BARD1: variants seen among roughly 807,000 people sequenced by gnomAD.
BARD1 encodes the protein BRCA1-associated RING domain protein 1.
BARD1 carries 73 observed loss-of-function variants against 77.0 expected under a neutral mutation model. The ratio of observed to expected loss-of-function variants is 0.95; its 90% CI spans 0.79 to 1.15. The LOEUF is 1.15. BARD1 is among the 50% of genes most tolerant of loss of function. The probability of loss-of-function intolerance (pLI) is 0.00; values close to 1 mark genes in which losing one functional copy is unlikely to be tolerated. For missense variants in BARD1, 993 were observed against 938.8 expected, an observed-to-expected ratio of 1.06 and a Z score of -0.75; for synonymous variants, 384 against 338.0, an observed-to-expected ratio of 1.14 and a Z score of -1.49.
intron 9 of BARD1, among the ~76,000 whole-genome samples, chr2:214,731,829 G>A (rs532554344): frequency 3.9e-5 from 6 of 152,226 alleles, no homozygotes; most frequent in African/African-American, 1.4e-4. Flanking sequence ...GGGAAAGTTG[G>A]AACAATAACT....
At position 214,728,732 on chromosome 2, in the gene BARD1, A is replaced by G. The variant is rs1692194979; in HGVS notation, c.2278T>C (p.Ser760Pro). ...VRQGKVWKAP[S>P]SWFIDCVMSF... is the part of the protein sequence containing the mutation. ...ATCACACAGTCTATAAACCAGCTCG[A>G]AGGAGCCTTCCAGACTTTGCCCTGC... Residue 760 changes from serine to proline, a missense_variant, in exon 11 of 11, where the codon TCG becomes CCG. Transcript: ENST00000260947. 1 of 1,614,234 alleles carries G rather than the reference A, an allele frequency of 6.2e-7. No homozygotes were observed. Among genetic ancestry groups the G allele is most frequent in the Non-Finnish European group, 8.5e-7 (1 of 1,180,034 alleles).
chr2:214,733,957 T>A (rs1259376228), intron 9 of BARD1, among the ~76,000 whole-genome samples: 1 of 152,192 alleles, frequency 6.6e-6, no homozygotes, highest in Non-Finnish European at 1.5e-5. Context: ...AGATTCGTTT[T>A]TCAGATTCAG....
intron 3 of BARD1, among the ~76,000 whole-genome samples, chr2:214,789,139 T>TAC (rs1207846973): frequency 6.6e-6 from 1 of 152,166 alleles, no homozygotes. Context: ...AGAAAGATAC[T>TAC]ACCATTATAA....
intron 3 of BARD1, among the ~76,000 whole-genome samples, chr2:214,790,951 C>A (rs185904627): frequency 8.3e-4 from 127 of 152,266 alleles, no homozygotes; most frequent in African/African-American, 3.0e-3. Context: ...AAAGGTAGAT[C>A]ACACACCAAT....
chr2:214,738,970 T>C (rs1323451734), intron 9 of BARD1, among the ~76,000 whole-genome samples: 1 of 151,618 alleles, frequency 6.6e-6, no homozygotes, highest in Non-Finnish European at 1.5e-5. Context: ...CAAAGTGAGA[T>C]CTCTGCCTCA....
At chr2:214,751,758 A>C (rs1032384653) in intron 7 of BARD1, among the ~76,000 whole-genome samples, 1 of 152,196 alleles carries the variant, frequency 6.6e-6, no homozygotes. Flanking sequence ...TCTCCATGGC[A>C]ACAAATGGCA....
chr2:214,730,553 C>T (rs370366588), intron 9 of BARD1, 45 bp from the exon 10 acceptor site: 5 of 1,443,938 alleles, frequency 3.5e-6, no homozygotes, highest in East Asian at 2.3e-5. Flanking sequence ...ATCAAGTGAG[C>T]ACTATATCTC....
chr2:214,746,591 CATAT>C (rs35107044), intron 7 of BARD1, among the ~76,000 whole-genome samples: 19 of 151,264 alleles, frequency 1.3e-4, no homozygotes, highest in African/African-American at 4.6e-4. Flanking sequence ...AATATATGTC[CATAT>C]ATATATATAT....
At chr2:214,776,057 T>A (rs1694725225) in intron 4 of BARD1, among the ~76,000 whole-genome samples, 1 of 152,200 alleles carries the variant, frequency 6.6e-6, no homozygotes, top group Non-Finnish European at 1.5e-5. Context: ...GTTCTAAGCA[T>A]ACCATGCCTT....
chr2:214,752,604 G>C (rs778712913), intron 6 of BARD1, 49 bp from the exon 7 acceptor site: 2 of 1,382,892 alleles, frequency 1.4e-6, no homozygotes, highest in Non-Finnish European at 2.1e-6. Context: ...TGTGTGACTC[G>C]ACTCAATTTT....
In BARD1 at chr2:214,780,981, A is replaced by G. The variant is rs1329558100; in HGVS notation, c.893T>C (p.Val298Ala). Reference sequence around the variant, plus strand: ...ATTTTTGCAGACCTTCTCAGGAGTCACTACTTCATTCCTGCTCTTAGTGTC... The same window carrying G: ...ATTTTTGCAGACCTTCTCAGGAGTCGCTACTTCATTCCTGCTCTTAGTGTC... ...SPDTKSRNEVVTPEKVCKNYL... is the reference protein window; with the variant it reads ...SPDTKSRNEVATPEKVCKNYL... Residue 298 changes from valine (V) to alanine (A), a missense_variant, in exon 4 of 11, where the codon GTG becomes GCG. Val to Ala is a moderately conservative substitution (Grantham distance 64). Transcript: ENST00000260947. The G allele has an allele frequency of 6.2e-7, 1 of 1,613,508 alleles. No individual in the cohort carries two copies. Among genetic ancestry groups the G allele is most frequent in the South Asian group, 1.1e-5 (1 of 91,034 alleles).
chr2:214,754,649 A>C (rs1234037822), intron 6 of BARD1, among the ~76,000 whole-genome samples: 1 of 152,204 alleles, frequency 6.6e-6, no homozygotes, highest in Non-Finnish European at 1.5e-5. Flanking sequence ...AGTGACTACC[A>C]GAGTTCCAAT....
intron 4 of BARD1, among the ~76,000 whole-genome samples, chr2:214,773,640 A>G (rs1694613207): frequency 6.6e-6 from 1 of 151,956 alleles, no homozygotes; most frequent in African/African-American, 2.4e-5. Flanking sequence ...GTTTTTTAAA[A>G]AAAATGAACA....
chr2:214,747,134 T>G (rs909053549), intron 7 of BARD1, among the ~76,000 whole-genome samples: 1 of 151,476 alleles, frequency 6.6e-6, no homozygotes, highest in Non-Finnish European at 1.5e-5. Flanking sequence ...ATCAGAGAAA[T>G]GCAAATCAAA....
At position 214,760,317 on chromosome 2, in the gene BARD1, C is replaced by G. The variant is rs1205176488; in HGVS notation, c.1568+7165G>C. 2.6e-5 allele frequency among the ~76,000 whole-genome samples: 4 copies of G among 152,216 alleles called. No individual in the cohort carries two copies. The East Asian group carries it at 5.8e-4, about 22-fold the overall frequency. On this transcript the variant is annotated intron_variant, in intron 6 of 10. Coordinates refer to ENST00000260947, the MANE Select transcript of BARD1 (RefSeq NM_000465.4). ...AAGCGATTCTTGTGCCTCAGCCTCC[C>G]GAGTAGCTGGGACTACAGGCACACG...
intron 10 of BARD1, 68 bp downstream of exon 10, chr2:214,730,343 C>A (rs1476695804): frequency 7.1e-7 from 1 of 1,404,554 alleles, no homozygotes; most frequent in African/African-American, 1.4e-5. Flanking sequence ...GGCAGAAGTT[C>A]TTCCTGATGG....
In BARD1 at chr2:214,792,458, T is replaced by TAAAAAAAAAA. The variant is rs56130510; in HGVS notation, c.216-23_216-14dup. 2.1e-6 allele frequency: 3 copies of TAAAAAAAAAA among 1,400,764 alleles called. No homozygotes were observed. Among genetic ancestry groups the TAAAAAAAAAA allele is most frequent in the Admixed American group, 5.4e-5 (2 of 37,218 alleles). The allele number at this position is 1,400,764 out of a possible 1,614,324, so 86.8% of individuals were successfully genotyped here. On this transcript the variant is annotated splice_polypyrimidine_tract_variant and intron_variant, in intron 2 of 10. Transcript: ENST00000260947. ...ACTTACACAATTACTTTAAAATAAT[T>TAAAAAAAAAA]AAAAAAAAAAAAAAAAGCAACCCAT...
chr2:214,728,948 T>C lies in BARD1; in HGVS notation c.2062A>G (p.Lys688Glu). ...YLWGTFKHHP[K>E]DNLIKLVTAG... ...GTGACGAGCTTAATAAGGTTGTCCT[T>C]TGGATGGTGTTTGAAGGTTCCCCAC... Residue 688 changes from lysine to glutamate, a missense_variant, in exon 11 of 11, where the codon AAG becomes GAG. Lys to Glu is a moderately conservative substitution (Grantham distance 56, BLOSUM62 1). Transcript: ENST00000260947. 6.2e-7 allele frequency: 1 copy of C among 1,614,194 alleles called. No individual in the cohort carries two copies. Among genetic ancestry groups the C allele is most frequent in the Non-Finnish European group, 8.5e-7 (1 of 1,180,030 alleles).
intron 4 of BARD1, among the ~76,000 whole-genome samples, chr2:214,773,568 C>T (rs1694607421): frequency 6.6e-6 from 1 of 152,032 alleles, no homozygotes; most frequent in Admixed American, 6.6e-5. Flanking sequence ...TCTGGTTTCC[C>T]AGCACATATA....
Sources: gnomAD v4.1 joint callset for allele counts (sites outside exome capture counted in the v4.1 genomes callset) on GRCh38, gnomAD v4.1.1 for gene constraint, MANE v1.5 for transcripts, NCBI Gene and HGNC (gene_info 2026-07-23, HGNC 2026-07-21) for gene names.